The following SEMA5A variants were observed in gnomAD, a reference collection of about 807,000 sequenced individuals.
SEMA5A encodes semaphorin-5A.
SEMA5A carries 55 observed loss-of-function variants against 135.5 expected under a neutral mutation model. That is an observed-to-expected ratio of 0.41 (90% CI 0.33 to 0.51). The LOEUF (loss-of-function observed/expected upper bound fraction) is 0.51, where lower values mean the gene tolerates loss of function less well. Ranked by LOEUF, SEMA5A falls within the 20% of genes least tolerant of loss-of-function variation. The pLI, the probability that SEMA5A is intolerant of heterozygous loss-of-function variation, is 0.37. For missense variants in SEMA5A, 1,290 were observed against 1,419.9 expected, an observed-to-expected ratio of 0.91 and a Z score of 1.47; for synonymous variants, 580 against 546.5, an observed-to-expected ratio of 1.06 and a Z score of -0.85.
intron 5 of SEMA5A, among the ~76,000 whole-genome samples, chr5:9,249,200 G>C (rs534958605): frequency 6.6e-6 from 1 of 152,304 alleles, no homozygotes; most frequent in South Asian, 2.1e-4. Flanking sequence ...TCTGAAAACA[G>C]AGTAGAAATT....
intron 3 of SEMA5A, among the ~76,000 whole-genome samples, chr5:9,375,114 T>C (rs980826424): frequency 1.1e-4 from 17 of 152,182 alleles, no homozygotes; most frequent in African/African-American, 4.1e-4. Context: ...ATCTAGTCCC[T>C]AACCTTTGAT....
At position 9,038,192 on chromosome 5, in the gene SEMA5A, T is replaced by G. The variant is rs1271280544; in HGVS notation, c.*4705A>C. On this transcript the variant is annotated 3_prime_UTR_variant, in exon 23 of 23. Transcript: ENST00000382496. ...ACTCCAGTTTGTACCATATCATAAG[T>G]GGTGAAGAATTTGCATATAGTTAAG... is the stretch of plus-strand genomic sequence containing the variant. The G allele has an allele frequency of 6.6e-6, 1 of 152,206 alleles. No individual in the cohort carries two copies. Among genetic ancestry groups the G allele is most frequent in the Non-Finnish European group, 1.5e-5 (1 of 68,038 alleles). The allele number at this position is 152,206 out of a possible 1,614,324, so 9.4% of individuals were successfully genotyped here.
chr5:9,064,627 C>G (rs1428957421), intron 17 of SEMA5A, among the ~76,000 whole-genome samples: 1 of 152,118 alleles, frequency 6.6e-6, no homozygotes, highest in Non-Finnish European at 1.5e-5. Context: ...GGGAACACCA[C>G]AGACCGGGGC....
At chr5:9,135,926 T>C (rs1741712131) in intron 13 of SEMA5A, among the ~76,000 whole-genome samples, 1 of 152,164 alleles carries the variant, frequency 6.6e-6, no homozygotes, top group African/African-American at 2.4e-5. Flanking sequence ...GAAATGTGCT[T>C]TTCTTGGATT....
chr5:9,097,008 C>T (rs1739357870), intron 16 of SEMA5A, among the ~76,000 whole-genome samples: 1 of 152,020 alleles, frequency 6.6e-6, no homozygotes, highest in South Asian at 2.1e-4. Context: ...TAATTTGTTC[C>T]ACTATAGTAA....
intron 6 of SEMA5A, among the ~76,000 whole-genome samples, chr5:9,236,420 G>A (rs1395892351): frequency 6.6e-6 from 1 of 152,212 alleles, no homozygotes; most frequent in Non-Finnish European, 1.5e-5. Flanking sequence ...GACCAGTGAA[G>A]TGGGGCCGAG....
At chr5:9,109,544 T>C (rs2150158313) in intron 15 of SEMA5A, among the ~76,000 whole-genome samples, 2 of 152,338 alleles carry the variant, frequency 1.3e-5, no homozygotes, top group East Asian at 3.9e-4. Context: ...ATTTACCTTC[T>C]AGAGAATACT....
chr5:9,236,438 C>A (rs1016261859), intron 6 of SEMA5A, among the ~76,000 whole-genome samples: 23 of 152,130 alleles, frequency 1.5e-4, no homozygotes, highest in Non-Finnish European at 3.2e-4. Context: ...GAGGGCCGAG[C>A]CACACAACCC....
chr5:9,141,013 T>C (rs969139171), intron 12 of SEMA5A, among the ~76,000 whole-genome samples: 1 of 152,242 alleles, frequency 6.6e-6, no homozygotes, highest in African/African-American at 2.4e-5. Flanking sequence ...CCAATGGTTC[T>C]GCACGTTCTT....
chr5:9,154,743 A>G (rs776998841), intron 11 of SEMA5A, 48 bp from the exon 12 acceptor site: 42 of 1,512,294 alleles, frequency 2.8e-5, no homozygotes, highest in Non-Finnish European at 3.8e-5. Flanking sequence ...AGGGTCTCAC[A>G]AACCAATCCC....
chr5:9,289,709 TA>T, intron 5 of SEMA5A, among the ~76,000 whole-genome samples: 1 of 152,238 alleles, frequency 6.6e-6, no homozygotes, highest in South Asian at 2.1e-4. Context: ...CTGTTTTTAA[TA>T]AATTTTGATA....
chr5:9,263,663 C>G (rs538640887), intron 5 of SEMA5A, among the ~76,000 whole-genome samples: 2 of 152,290 alleles, frequency 1.3e-5, no homozygotes, highest in South Asian at 4.1e-4. Flanking sequence ...TAGGTTCTTG[C>G]AAAAGAAAGA....
chr5:9,388,325 G>T (rs534151240), intron 2 of SEMA5A, among the ~76,000 whole-genome samples: 1 of 151,980 alleles, frequency 6.6e-6, no homozygotes, highest in Non-Finnish European at 1.5e-5. Context: ...CTGGAGGAAC[G>T]ATAAAAATAA....
intron 3 of SEMA5A, among the ~76,000 whole-genome samples, chr5:9,378,397 A>G (rs984581465): frequency 1.3e-5 from 2 of 152,198 alleles, no homozygotes; most frequent in African/African-American, 4.8e-5. Flanking sequence ...GAATCAGTAG[A>G]TTGAGGCTGT....
intron 4 of SEMA5A, among the ~76,000 whole-genome samples, chr5:9,330,537 C>A (rs947787541): frequency 6.6e-6 from 1 of 151,976 alleles, no homozygotes; most frequent in Non-Finnish European, 1.5e-5. Context: ...TAAAAGCACA[C>A]ACCCTGAGCC....
chr5:9,524,144 C>T (rs1736992380), intron 1 of SEMA5A, among the ~76,000 whole-genome samples: 2 of 152,172 alleles, frequency 1.3e-5, no homozygotes, highest in Non-Finnish European at 2.9e-5. Flanking sequence ...GTTCTTCTCC[C>T]TTTGAGTTGT....
chr5:9,159,243 G>A (rs186392073), intron 11 of SEMA5A, among the ~76,000 whole-genome samples: 2 of 152,280 alleles, frequency 1.3e-5, no homozygotes, highest in East Asian at 1.9e-4. Flanking sequence ...TCACTTCAAT[G>A]TTGATGAATG....
chr5:9,190,530 T>C (rs1038017117), intron 10 of SEMA5A, 59 bp from the exon 11 acceptor site: 36 of 1,533,722 alleles, frequency 2.3e-5, no homozygotes, highest in South Asian at 5.6e-5. Flanking sequence ...CACAGCTGGC[T>C]GTGGCCACCC....
At chr5:9,108,850 C>A (rs1740068764) in intron 15 of SEMA5A, among the ~76,000 whole-genome samples, 1 of 151,904 alleles carries the variant, frequency 6.6e-6, no homozygotes, top group Admixed American at 6.6e-5. Flanking sequence ...CAGAAGAATG[C>A]CAAACAATTT....
Sources: allele counts gnomAD v4.1 joint callset (sites outside exome capture counted in the v4.1 genomes callset), GRCh38; gene constraint gnomAD v4.1.1; transcripts MANE v1.5; gene names NCBI Gene and HGNC (gene_info 2026-07-23, HGNC 2026-07-21).